Variants in PTCH2 observed in about 807,000 individuals in gnomAD.
PTCH2 encodes the protein protein patched homolog 2.
PTCH2 carries 96 observed loss-of-function variants against 117.9 expected under a neutral mutation model. The observed-to-expected ratio is 0.81, with a 90% CI of 0.69 to 0.96. PTCH2 has a LOEUF of 0.96. Among genes scored for constraint, PTCH2 ranks in the 50% least tolerant of loss-of-function variants. The pLI, the probability that PTCH2 is intolerant of heterozygous loss-of-function variation, is 0.00. For synonymous variants in PTCH2, 615 were observed against 660.9 expected (o/e 0.93, Z 1.06); for missense variants, 1,379 against 1,562.5 (o/e 0.88, Z 1.98).
chr1:44,829,981 TG>T lies in PTCH2; in HGVS notation c.862del (p.His288ThrfsTer24). ...ELSGGCHGFS[H>X]KFMHWQEELL... Reference sequence around the variant, plus strand: ...TTCCTCCTGCCAGTGCATGAATTTGTGGGAGAAGCCATGGCAGCCCCCACTC... The same window carrying T: ...TTCCTCCTGCCAGTGCATGAATTTGTGGAGAAGCCATGGCAGCCCCCACTC... On this transcript the variant is annotated frameshift_variant, in exon 7 of 22. Transcript: ENST00000372192. LOFTEE classifies it high-confidence loss of function. 5 of 1,614,018 alleles carry T rather than the reference TG, an allele frequency of 3.1e-6. No individual in the cohort carries two copies. Among genetic ancestry groups the T allele is most frequent in the Non-Finnish European group, 4.2e-6 (5 of 1,180,014 alleles).
downstream of PTCH2, chr1:44,819,992 GA>G (rs1254132833): frequency 1.9e-5 from 3 of 155,778 alleles, no homozygotes; most frequent in African/African-American, 7.2e-5. Context: ...AGAGAAACCC[GA>G]GTATATTCGT....
intron 2 of PTCH2, among the ~76,000 whole-genome samples, chr1:44,839,508 A>G (rs1653848961): frequency 6.6e-6 from 1 of 152,006 alleles, no homozygotes; most frequent in African/African-American, 2.4e-5. Flanking sequence ...CCCCCAAACA[A>G]CAGCAAAAAA....
chr1:44,830,923 G>A lies in PTCH2; in HGVS notation c.738C>T (p.Ala246=), dbSNP rs58079936. 83 of 1,599,702 alleles carry A rather than the reference G, an allele frequency of 5.2e-5. No homozygotes were observed. The East Asian group carries it at 1.8e-3, about 35-fold the overall frequency. ...GGTGCAGACAGGGCCGCCCCACGTA[G>A]GCCTGGCCCACCTGTGCCTTGTCTA... ...ELLDKAQVGQ[A]YVGRPCLHPD... is the part of the protein sequence containing the mutation. The change falls in exon 6 of 22, where the codon GCC becomes GCT. Residue 246 remains alanine, a synonymous_variant. Coordinates refer to ENST00000372192, the MANE Select transcript of PTCH2 (RefSeq NM_003738.5).
In PTCH2 at chr1:44,823,292, A is replaced by G; in HGVS notation, c.3208T>C (p.Leu1070=). The change falls in exon 20 of 22, where the codon TTG becomes CTG. Residue 1070 remains leucine (L), a synonymous_variant. Coordinates refer to ENST00000372192, the MANE Select transcript of PTCH2 (RefSeq NM_003738.5). This position sits in a 1 kb window ranked among gnomAD's most constrained non-coding sequence, Gnocchi z 5.1. ...CCAGCAAGCATGAGCAGACCCAGCA[A>G]TGTGGAGATGGCCCCATCGGTCACG... ...APVTDGAIST[L]LGLLMLAGSH... is the part of the protein sequence containing the mutation. 6.2e-7 allele frequency: 1 copy of G among 1,614,222 alleles called. No individual in the cohort carries two copies. The highest frequency in any genetic ancestry group is 8.5e-7 in the Non-Finnish European group (1 of 1,180,034).
At chr1:44,830,382 T>TA (rs1400646897) in intron 6 of PTCH2, among the ~76,000 whole-genome samples, 3 of 151,992 alleles carry the variant, frequency 2.0e-5, no homozygotes, top group Admixed American at 6.6e-5. Context: ...TCTATTTTGA[T>TA]AAAAAGTCCA....
chr1:44,827,431 C>T lies in PTCH2; in HGVS notation c.2342G>A (p.Trp781Ter). The change falls in exon 15 of 22, where the codon TGG becomes TAG. Residue 781 changes from tryptophan (W) to a stop codon, truncating the protein, a stop_gained. Coordinates refer to ENST00000372192, the MANE Select transcript of PTCH2 (RefSeq NM_003738.5). LOFTEE classifies it high-confidence loss of function. The part of the protein sequence containing the change: ...PPPATQAPRT[W>*]LHYYRNWLQG... ...TAGCCAGTTGCGGTAATAGTGCAGC[C>T]AGGTGCGGGGTGCCTGGGTGGCCGG... The T allele has an allele frequency of 1.2e-6, 2 of 1,614,104 alleles. No homozygotes were observed. Among genetic ancestry groups the T allele is most frequent in the Non-Finnish European group, 1.7e-6 (2 of 1,180,010 alleles).
Position 44,826,640 on chromosome 1 carries a change from C to T in PTCH2, c.2824G>A (p.Val942Met), listed in dbSNP as rs758428613. ...AACAEAGQAG[V>M]HAYPSGSPFL... Reference sequence around the variant, plus strand: ...GGGGAGCCGCTGGGGTAGGCGTGCACCCCAGCCTGGCCGGCCTCTGCGCAT... The same window carrying T: ...GGGGAGCCGCTGGGGTAGGCGTGCATCCCAGCCTGGCCGGCCTCTGCGCAT... Residue 942 changes from valine to methionine, a missense_variant, in exon 18 of 22, where the codon GTG (valine) becomes ATG (methionine). Val to Met is a conservative substitution (Grantham distance 21). Transcript: ENST00000372192. This position sits in a 1 kb window ranked among gnomAD's most constrained non-coding sequence, Gnocchi z 5.1. 6.2e-7 allele frequency: 1 copy of T among 1,612,586 alleles called. No individual in the cohort carries two copies. Among genetic ancestry groups the T allele is most frequent in the Non-Finnish European group, 8.5e-7 (1 of 1,179,596 alleles).
chr1:44,825,867 C>T (rs1376119036), intron 19 of PTCH2, among the ~76,000 whole-genome samples: 4 of 116,936 alleles, frequency 3.4e-5, no homozygotes, highest in African/African-American at 7.4e-5. Flanking sequence ...TTTTTTGAGA[C>T]GGAGAGTTTC....
intron 2 of PTCH2, among the ~76,000 whole-genome samples, chr1:44,834,340 C>T (rs763355326): frequency 6.6e-6 from 1 of 152,058 alleles, no homozygotes; most frequent in Non-Finnish European, 1.5e-5. Context: ...CCAGGCTGAT[C>T]TTGAACTGCT....
chr1:44,835,393 G>C (rs1272880627), intron 2 of PTCH2, among the ~76,000 whole-genome samples: 1 of 152,082 alleles, frequency 6.6e-6, no homozygotes, highest in Non-Finnish European at 1.5e-5. Flanking sequence ...AAATATAACT[G>C]GTTAACCAAT....
chr1:44,842,194 GA>G (rs1482501228), intron 1 of PTCH2, among the ~76,000 whole-genome samples, 155 bp from the exon 2 acceptor site: 2 of 151,848 alleles, frequency 1.3e-5, no homozygotes, highest in African/African-American at 4.8e-5. Flanking sequence ...AGACTTGGAA[GA>G]TGTAACACCC....
Position 44,826,831 on chromosome 1 carries a change from G to A in PTCH2, c.2696-63C>T. On this transcript the variant is annotated intron_variant, in intron 17 of 21. Transcript: ENST00000372192. The surrounding 1 kb of genome is among the most constrained non-coding windows in gnomAD (Gnocchi z 5.1). ...CAGGGCGGTGAGCACGGGGCAGAGT[G>A]GGCAGGGCCTCAGGCTCAGGGCTTG... 1 of 1,610,510 alleles carries A rather than the reference G, an allele frequency of 6.2e-7. No individual in the cohort carries two copies. Among genetic ancestry groups the A allele is most frequent in the African/African-American group, 1.3e-5 (1 of 74,980 alleles).
rs1402666187 is a variant in PTCH2 at position 44,828,100 on chromosome 1, G to C, written c.1801C>G (p.Gln601Glu). The C allele has an allele frequency of 1.9e-6, 3 of 1,613,986 alleles. No individual in the cohort carries two copies. The highest frequency in any genetic ancestry group is 2.5e-6 in the Non-Finnish European group (3 of 1,180,036). Reference sequence around the variant, plus strand: ...CTGGCTTCACAGTGGGTAAAGGCTTGAACTGTGGCAGTGAGGTGGGCAATG... The same window carrying C: ...CTGGCTTCACAGTGGGTAAAGGCTTCAACTGTGGCAGTGAGGTGGGCAATG... ...VGIAHLTATVQAFTHCEASSQ... is the reference protein window; with the variant it reads ...VGIAHLTATVEAFTHCEASSQ... Residue 601 changes from glutamine to glutamate, a missense_variant, in exon 14 of 22, where the codon CAA (glutamine) becomes GAA (glutamate). Gln to Glu is a conservative substitution (Grantham distance 29, BLOSUM62 2). Coordinates refer to ENST00000372192, the MANE Select transcript of PTCH2 (RefSeq NM_003738.5).
At chr1:44,820,343 C>A (rs1238982473), downstream of PTCH2, 1 of 526,534 alleles carries the variant, frequency 1.9e-6, no homozygotes, top group African/African-American at 1.9e-5. Context: ...GGTGCGGAGT[C>A]CTTTGCGGAG....
chr1:44,827,455 G>A lies in PTCH2; in HGVS notation c.2318C>T (p.Pro773Leu), dbSNP rs1404906503. 4 of 1,614,118 alleles carry A rather than the reference G, an allele frequency of 2.5e-6. No homozygotes were observed. Among genetic ancestry groups the A allele is most frequent in the East Asian group, 2.2e-5 (1 of 44,888 alleles). Reference sequence around the variant, plus strand: ...CCAGGTGCGGGGTGCCTGGGTGGCCGGTGGGGGCAGCACCGCCTTGAGGGA... The same window carrying A: ...CCAGGTGCGGGGTGCCTGGGTGGCCAGTGGGGGCAGCACCGCCTTGAGGGA... The part of the protein sequence containing the change: ...FSSLKAVLPP[P>L]ATQAPRTWLH... The change falls in exon 15 of 22, where the codon CCG (proline) becomes CTG (leucine). Residue 773 changes from proline to leucine, a missense_variant. Transcript: ENST00000372192.
chr1:44,820,717 A>G (rs1652878081), downstream of PTCH2: 2 of 718,120 alleles, frequency 2.8e-6, no homozygotes, highest in African/African-American at 3.5e-5. Context: ...GGAAAGATGA[A>G]GATGAGGAGG....
downstream of PTCH2, chr1:44,821,712 T>C: frequency 8.4e-7 from 1 of 1,184,092 alleles, no homozygotes; most frequent in Non-Finnish European, 1.1e-6. Context: ...TTGAACCCAG[T>C]AGGATTTCAC....
chr1:44,840,114 T>C (rs1653878543), intron 2 of PTCH2, among the ~76,000 whole-genome samples: 1 of 150,672 alleles, frequency 6.6e-6, no homozygotes, highest in Non-Finnish European at 1.5e-5. Flanking sequence ...TTTTTTTTTT[T>C]TTTTTTGAGA....
At position 44,843,002 on chromosome 1, in the gene PTCH2, T is replaced by C; in HGVS notation, c.-70A>G. ...TGGGCGCTCCCATAGGCTAGCCCGG[T>C]CTCCCGGTACCGCTGGGCCCCGCGT... On this transcript the variant is annotated 5_prime_UTR_variant, in exon 1 of 22. Transcript: ENST00000372192. 6.8e-7 allele frequency: 1 copy of C among 1,463,258 alleles called. No homozygotes were observed. Among genetic ancestry groups the C allele is most frequent in the East Asian group, 2.5e-5 (1 of 39,830 alleles). 90.6% of individuals were successfully genotyped at this position (1,463,258 alleles called of 1,614,324 possible).
Sources: allele counts gnomAD v4.1 joint callset (sites outside exome capture counted in the v4.1 genomes callset), GRCh38; gene constraint gnomAD v4.1.1; non-coding constraint Gnocchi (gnomAD v3.1); transcripts MANE v1.5; gene names NCBI Gene and HGNC (gene_info 2026-07-23, HGNC 2026-07-21).